Variants in NEDD4L observed in about 807,000 individuals in gnomAD.
NEDD4L encodes NEDD4 like E3 ubiquitin protein ligase, also known as E3 ubiquitin-protein ligase NEDD4-like.
In NEDD4L, 54 loss-of-function variants were observed where a neutral mutation model predicts 148.9. The observed-to-expected ratio is 0.36, with a 90% CI of 0.29 to 0.45. NEDD4L has a LOEUF of 0.45. NEDD4L is among the 20% of genes least tolerant of loss of function. NEDD4L has a pLI of 1.00. For synonymous variants in NEDD4L, 433 were observed against 440.7 expected (o/e 0.98, Z 0.22); for missense variants, 856 against 1,233.8 (o/e 0.69, Z 4.59).
intron 23 of NEDD4L, among the ~76,000 whole-genome samples, chr18:58,371,046 T>A (rs1307570308): frequency 6.6e-6 from 1 of 151,672 alleles, no homozygotes; most frequent in Non-Finnish European, 1.5e-5. Flanking sequence ...TTTTTTTTTA[T>A]TTTTTTTATT....
At chr18:58,095,737 T>G (rs1037794171) in intron 1 of NEDD4L, among the ~76,000 whole-genome samples, 1 of 152,224 alleles carries the variant, frequency 6.6e-6, no homozygotes, top group Admixed American at 6.5e-5. Flanking sequence ...TTTTCCAATA[T>G]TTTTATTTGA....
intron 1 of NEDD4L, among the ~76,000 whole-genome samples, chr18:58,078,848 G>A (rs1444820331): frequency 1.3e-5 from 2 of 152,136 alleles, no homozygotes; most frequent in Non-Finnish European, 2.9e-5. Context: ...GACCTGATGA[G>A]ACAATATGGT....
chr18:58,215,763 T>G (rs1001431463), intron 2 of NEDD4L, among the ~76,000 whole-genome samples: 1 of 152,230 alleles, frequency 6.6e-6, no homozygotes, highest in Admixed American at 6.5e-5. Flanking sequence ...TCAGTCACTC[T>G]TAATATTTTG....
At chr18:58,339,747 G>A (rs762401329) in intron 13 of NEDD4L, among the ~76,000 whole-genome samples, 8 of 152,098 alleles carry the variant, frequency 5.3e-5, no homozygotes, top group Non-Finnish European at 1.2e-4. Context: ...CTCTGTGGAT[G>A]GGGTTTTCAA....
At chr18:58,378,676 G>C (rs1032050532) in intron 24 of NEDD4L, among the ~76,000 whole-genome samples, 1 of 152,180 alleles carries the variant, frequency 6.6e-6, no homozygotes, top group Non-Finnish European at 1.5e-5. Flanking sequence ...GACTGCCCCC[G>C]AGGCCGTGCC....
At chr18:58,123,089 T>C (rs1161171881) in intron 1 of NEDD4L, among the ~76,000 whole-genome samples, 1 of 152,228 alleles carries the variant, frequency 6.6e-6, no homozygotes, top group Non-Finnish European at 1.5e-5. Flanking sequence ...TTGGGTTCCC[T>C]GTCATGGCAG....
chr18:58,206,905 A>G (rs1450858797), intron 2 of NEDD4L, among the ~76,000 whole-genome samples: 1 of 152,158 alleles, frequency 6.6e-6, no homozygotes, highest in Non-Finnish European at 1.5e-5. Flanking sequence ...ACCACTTGCT[A>G]CAGTGTGATG....
At chr18:58,217,969 A>C (rs1038520208) in intron 2 of NEDD4L, among the ~76,000 whole-genome samples, 2 of 152,228 alleles carry the variant, frequency 1.3e-5, no homozygotes, top group Non-Finnish European at 2.9e-5. Context: ...ATTCATGATG[A>C]CTTTTTAGAG....
intron 18 of NEDD4L, 55 bp downstream of exon 18, chr18:58,351,100 A>T (rs1051783116): frequency 3.9e-6 from 6 of 1,552,564 alleles, no homozygotes; most frequent in Non-Finnish European, 5.2e-6. Context: ...GGAAGGAGTA[A>T]TTCAAACATC....
At chr18:58,268,263 G>C (rs2050511929) in intron 5 of NEDD4L, among the ~76,000 whole-genome samples, 2 of 152,026 alleles carry the variant, frequency 1.3e-5, no homozygotes, top group Non-Finnish European at 2.9e-5. Flanking sequence ...CTGGCTAGCA[G>C]AGGTGGCCCT....
At chr18:58,268,049 G>A (rs1440835361) in intron 5 of NEDD4L, among the ~76,000 whole-genome samples, 3 of 151,956 alleles carry the variant, frequency 2.0e-5, no homozygotes, top group Admixed American at 6.5e-5. Flanking sequence ...ACTGTCAAAA[G>A]CCCAATTAAT....
intron 2 of NEDD4L, among the ~76,000 whole-genome samples, chr18:58,167,602 G>C (rs1168578577): frequency 6.6e-6 from 1 of 152,138 alleles, no homozygotes; most frequent in African/African-American, 2.4e-5. Context: ...TGCATTACCT[G>C]GTGGTTTCCT....
chr18:58,247,498 C>T (rs1363721756), intron 3 of NEDD4L: 9 of 152,242 alleles, frequency 5.9e-5, no homozygotes, highest in Non-Finnish European at 1.3e-4. Flanking sequence ...AGGACCAAAG[C>T]CGGCGACTGG....
intron 1 of NEDD4L, among the ~76,000 whole-genome samples, chr18:58,058,626 T>C (rs1942562): frequency 0.81 from 122,923 of 152,106 alleles, 50,235 homozygotes; most frequent in East Asian, 1. Flanking sequence ...ACTGGAGTAC[T>C]TGTCACACTG....
At chr18:58,206,947 TC>T (rs2042043619) in intron 2 of NEDD4L, among the ~76,000 whole-genome samples, 1 of 152,196 alleles carries the variant, frequency 6.6e-6, no homozygotes, top group African/African-American at 2.4e-5. Flanking sequence ...CACTCAGTTC[TC>T]CCACCCATCC....
chr18:58,082,580 C>T (rs1307433544), intron 1 of NEDD4L, among the ~76,000 whole-genome samples: 2 of 150,826 alleles, frequency 1.3e-5, no homozygotes, highest in Non-Finnish European at 3.0e-5. Flanking sequence ...AAGACCAGCC[C>T]GGCCAACATG....
intron 5 of NEDD4L, among the ~76,000 whole-genome samples, chr18:58,303,111 C>T (rs1331729844): frequency 6.6e-6 from 1 of 152,194 alleles, no homozygotes. Flanking sequence ...TTCCAAATGG[C>T]AGAGGTGCAC....
rs149289907 is a variant in NEDD4L, at chr18:58,145,222, G to C, written c.49-20566G>C. Among the ~76,000 whole-genome samples the C allele has an allele frequency of 9.2e-5, 14 of 152,324 alleles. No individual in the cohort carries two copies. In the East Asian group the frequency reaches 2.7e-3, roughly 29 times the overall value. ...GCCAACTGGAAAGGGAGTCGGGGAA[G>C]TTTCATTTGTGGGGGTCCAAGTGCC... On this transcript the variant is annotated intron_variant, in intron 1 of 30. Coordinates refer to ENST00000400345, the MANE Select transcript of NEDD4L (RefSeq NM_001144967.3).
chr18:58,085,662 C>G (rs2083724500), intron 1 of NEDD4L, among the ~76,000 whole-genome samples: 1 of 152,124 alleles, frequency 6.6e-6, no homozygotes, highest in African/African-American at 2.4e-5. Flanking sequence ...AAATATAGGT[C>G]CCATTGTTGG....
Sources: gnomAD v4.1 joint callset for allele counts (sites outside exome capture counted in the v4.1 genomes callset) on GRCh38, gnomAD v4.1.1 for gene constraint, MANE v1.5 for transcripts, NCBI Gene and HGNC (gene_info 2026-07-23, HGNC 2026-07-21) for gene names.